Variants in RYR3 observed in about 807,000 individuals in gnomAD.
The protein encoded by RYR3 is brain ryanodine receptor-calcium release channel.
Under a neutral mutation model 584.3 loss-of-function variants are expected in RYR3, and 207 were observed. That is an observed-to-expected ratio of 0.35 (90% CI 0.32 to 0.40). The LOEUF (loss-of-function observed/expected upper bound fraction) is 0.40, where lower values mean the gene tolerates loss of function less well. Among genes scored for constraint, RYR3 ranks in the 10% least tolerant of loss-of-function variants. The pLI is 1.00. For synonymous variants in RYR3, 2,416 were observed against 2,248.5 expected (o/e 1.07, Z -2.11); for missense variants, 5,616 against 6,089.2 (o/e 0.92, Z 2.59).
intron 3 of RYR3, 101 bp downstream of exon 3, chr15:33,503,839 T>G: frequency 1.4e-6 from 1 of 705,334 alleles, no homozygotes; most frequent in Non-Finnish European, 2.5e-6. Context: ...ATTTTAAGAC[T>G]GTTGAGATGA....
intron 1 of RYR3, among the ~76,000 whole-genome samples, chr15:33,312,006 G>C (rs913538032): frequency 6.6e-6 from 1 of 152,242 alleles, no homozygotes; most frequent in Non-Finnish European, 1.5e-5. Flanking sequence ...TGAGCAAGTC[G>C]CATAATCCGC....
intron 1 of RYR3, among the ~76,000 whole-genome samples, chr15:33,464,470 A>ATATATATATC (rs1258180396): frequency 2.6e-5 from 2 of 77,262 alleles, no homozygotes; most frequent in Non-Finnish European, 4.8e-5. Context: ...GGAGATATAT[A>ATATATATATC]TATATATATA....
chr15:33,369,285 C>G (rs1284364494), intron 1 of RYR3, among the ~76,000 whole-genome samples: 1 of 152,122 alleles, frequency 6.6e-6, no homozygotes, highest in African/African-American at 2.4e-5. Flanking sequence ...TCCTTCAAGC[C>G]CTCTCCCTAT....
intron 86 of RYR3, among the ~76,000 whole-genome samples, chr15:33,832,483 C>T (rs532706811): frequency 5.9e-4 from 90 of 151,776 alleles, no homozygotes; most frequent in Admixed American, 1.8e-3. Context: ...GGCGAAACCC[C>T]GTCTCTACTA....
chr15:33,809,664 C>T (rs2076410715), intron 70 of RYR3, among the ~76,000 whole-genome samples: 1 of 142,656 alleles, frequency 7.0e-6, no homozygotes, highest in African/African-American at 2.6e-5. Flanking sequence ...GAGGCCGAGT[C>T]TTGCTCTGTC....
chr15:33,804,339 A>G (rs1320633413), intron 69 of RYR3, among the ~76,000 whole-genome samples: 2 of 152,214 alleles, frequency 1.3e-5, no homozygotes, highest in Non-Finnish European at 2.9e-5. Context: ...ACAAGAGTTC[A>G]TATTGTTCTG....
chr15:33,678,731 A>C (rs115243718), intron 38 of RYR3, among the ~76,000 whole-genome samples: 1 of 152,234 alleles, frequency 6.6e-6, no homozygotes, highest in Non-Finnish European at 1.5e-5. Context: ...GGCCAGCCCT[A>C]TACCATCACG....
intron 6 of RYR3, 24 bp downstream of exon 6, chr15:33,539,486 T>A (rs879277289): frequency 6.7e-5 from 96 of 1,436,630 alleles, no homozygotes; most frequent in Non-Finnish European, 9.0e-5. Flanking sequence ...AATATAAGAG[T>A]CTTCTGTTTT....
Position 33,816,878 on chromosome 15 carries a change from C to T in RYR3, c.10519C>T (p.Leu3507Phe). The change falls in exon 75 of 104, where the codon CTC becomes TTC. Residue 3507 changes from leucine (L) to phenylalanine (F), a missense_variant. This residue lies in a region of RYR3 where 954 missense variants were observed against 1,132.2 expected (regional missense o/e 0.84). Transcript: ENST00000634891. Reference sequence around the variant, plus strand: ...TCCGCTCAGGCACCGCTCTATTAACCTCTTCCTCCATGGCTATCAGAGATT... The same window carrying T: ...TCCGCTCAGGCACCGCTCTATTAACTTCTTCCTCCATGGCTATCAGAGATT... Reference protein sequence around the residue: ...YNLPRHRSINLFLHGYQRFWI... With the variant: ...YNLPRHRSINFFLHGYQRFWI... 6.2e-7 allele frequency: 1 copy of T among 1,611,976 alleles called. No individual in the cohort carries two copies.
intron 98 of RYR3, chr15:33,856,885 C>G (rs2079729396): frequency 6.6e-6 from 1 of 152,274 alleles, no homozygotes; most frequent in African/African-American, 2.4e-5. Flanking sequence ...TCTCGACCTC[C>G]TGACCTCGTG....
intron 102 of RYR3, among the ~76,000 whole-genome samples, chr15:33,861,780 G>C (rs1048387880): frequency 6.6e-6 from 1 of 152,072 alleles, no homozygotes; most frequent in African/African-American, 2.4e-5. Context: ...CCATGACCTG[G>C]GATATTTTTG....
chr15:33,753,002 CT>C (rs796389134), intron 57 of RYR3, among the ~76,000 whole-genome samples: 31 of 152,194 alleles, frequency 2.0e-4, no homozygotes, highest in African/African-American at 7.5e-4. Flanking sequence ...TATTGAAGGC[CT>C]TTTCTCCCTC....
intron 52 of RYR3, among the ~76,000 whole-genome samples, chr15:33,744,489 G>T (rs1041768541): frequency 2.6e-5 from 4 of 152,176 alleles, no homozygotes; most frequent in Non-Finnish European, 4.4e-5. Flanking sequence ...TCATGATCTT[G>T]TGGGAGAAAC....
chr15:33,650,016 C>G (rs932409760), intron 31 of RYR3, among the ~76,000 whole-genome samples: 2 of 152,220 alleles, frequency 1.3e-5, no homozygotes, highest in Admixed American at 6.5e-5. Flanking sequence ...AGAATGTTGG[C>G]TCACCAAAGA....
At chr15:33,713,056 C>T (rs931940000) in intron 43 of RYR3, among the ~76,000 whole-genome samples, 1 of 152,160 alleles carries the variant, frequency 6.6e-6, no homozygotes, top group Admixed American at 6.6e-5. Context: ...TTTGGAATCT[C>T]AAAGCCCTTT....
At chr15:33,645,775 G>C (rs1217750726) in intron 28 of RYR3, among the ~76,000 whole-genome samples, 3 of 151,814 alleles carry the variant, frequency 2.0e-5, no homozygotes, top group Non-Finnish European at 4.4e-5. Context: ...CCCTAACTCT[G>C]CCCCCTGCAA....
chr15:33,589,270 T>C (rs2059009540), intron 16 of RYR3, among the ~76,000 whole-genome samples: 1 of 152,198 alleles, frequency 6.6e-6, no homozygotes, highest in Admixed American at 6.5e-5. Context: ...GTTTGAAAAA[T>C]GTCCATGTCC....
chr15:33,419,425 G>C (rs1283191082), intron 1 of RYR3, among the ~76,000 whole-genome samples: 3 of 152,126 alleles, frequency 2.0e-5, no homozygotes, highest in Non-Finnish European at 4.4e-5. Flanking sequence ...TGTGTGCCAG[G>C]AAGTAATCAG....
chr15:33,576,954 G>A (rs867334671), intron 12 of RYR3, among the ~76,000 whole-genome samples: 3 of 152,142 alleles, frequency 2.0e-5, no homozygotes, highest in Non-Finnish European at 4.4e-5. Flanking sequence ...AAAATCACAA[G>A]CATTCCTAAA....
Sources: allele counts gnomAD v4.1 joint callset (sites outside exome capture counted in the v4.1 genomes callset), GRCh38; gene constraint gnomAD v4.1.1; regional missense constraint gnomAD v4.1.1; transcripts MANE v1.5; gene names NCBI Gene and HGNC (gene_info 2026-07-23, HGNC 2026-07-21).